UNC79: variants seen among roughly 807,000 people sequenced by gnomAD.
UNC79 encodes unc-79 subunit of NALCN channel complex, also known as protein unc-79 homolog.
UNC79 carries 37 observed loss-of-function variants against 283.1 expected under a neutral mutation model. The observed-to-expected ratio is 0.13, with a 90% CI of 0.10 to 0.17. The LOEUF (loss-of-function observed/expected upper bound fraction) is 0.17. UNC79 is among the 10% of genes least tolerant of loss of function. The probability of loss-of-function intolerance (pLI) is 1.00; values close to 1 mark genes in which losing one functional copy is unlikely to be tolerated. For synonymous variants in UNC79, 1,107 were observed against 1,200.2 expected (o/e 0.92, Z 1.61); for missense variants, 2,272 against 3,211.1 (o/e 0.71, Z 7.07).
At chr14:93,524,260 T>A (rs2060449335) in intron 8 of UNC79, among the ~76,000 whole-genome samples, 1 of 152,208 alleles carries the variant, frequency 6.6e-6, no homozygotes, top group African/African-American at 2.4e-5. Flanking sequence ...CGTAGCCAAG[T>A]GCTATGTAGC....
At chr14:93,489,967 AC>A (rs1335912166) in intron 5 of UNC79, among the ~76,000 whole-genome samples, 2 of 152,018 alleles carry the variant, frequency 1.3e-5, no homozygotes, top group Non-Finnish European at 2.9e-5. Flanking sequence ...AGGTGAATAC[AC>A]CCCCATGCCT....
intron 2 of UNC79, among the ~76,000 whole-genome samples, chr14:93,470,084 G>C (rs111526070): frequency 7.3e-6 from 1 of 137,850 alleles, no homozygotes; most frequent in Admixed American, 7.4e-5. Flanking sequence ...GTTCTTGGGG[G>C]AAAAATAACA....
At chr14:93,643,030 G>A (rs150343933) in intron 33 of UNC79, among the ~76,000 whole-genome samples, 131 of 152,290 alleles carry the variant, frequency 8.6e-4, no homozygotes, top group African/African-American at 2.7e-3. Context: ...TCATCTGAGT[G>A]AGTGGTGGAG....
chr14:93,438,457 T>C (rs552917911), intron 1 of UNC79, among the ~76,000 whole-genome samples: 33 of 152,100 alleles, frequency 2.2e-4, no homozygotes, highest in Non-Finnish European at 4.0e-4. Flanking sequence ...CCTGTCTAGA[T>C]CTCTAAAAAA....
At chr14:93,611,485 G>A (rs1339669123) in intron 26 of UNC79, among the ~76,000 whole-genome samples, 1 of 152,158 alleles carries the variant, frequency 6.6e-6, no homozygotes, top group African/African-American at 2.4e-5. Context: ...TTCCGAATTT[G>A]ACCTTCATGC....
chr14:93,461,947 A>G (rs1202429414), intron 1 of UNC79, among the ~76,000 whole-genome samples: 1 of 145,226 alleles, frequency 6.9e-6, no homozygotes, highest in Non-Finnish European at 1.5e-5. Flanking sequence ...ACAAGGACAT[A>G]GAAAGGTTTT....
intron 22 of UNC79, among the ~76,000 whole-genome samples, chr14:93,590,506 T>C (rs893420693): frequency 1.4e-4 from 21 of 152,196 alleles, no homozygotes; most frequent in Non-Finnish European, 2.9e-4. Flanking sequence ...GAATTCAACA[T>C]GGGAATACGA....
chr14:93,479,162 G>A (rs1373911704), intron 4 of UNC79, among the ~76,000 whole-genome samples: 1 of 144,740 alleles, frequency 6.9e-6, no homozygotes, highest in East Asian at 2.0e-4. Context: ...AAGCATAACA[G>A]ATGAGGCTGT....
intron 1 of UNC79, among the ~76,000 whole-genome samples, chr14:93,413,536 A>G (rs1324609627): frequency 7.3e-6 from 1 of 137,706 alleles, no homozygotes; most frequent in Non-Finnish European, 1.6e-5. Flanking sequence ...CTTTGGGTAT[A>G]TACCCAGTAA....
At chr14:93,643,609 C>A (rs781668766) in exon 34 of UNC79, 2 of 1,613,812 alleles carry the variant, frequency 1.2e-6, no homozygotes, top group African/African-American at 1.3e-5. Flanking sequence ...GACACTTGGG[C>A]TAGCCATCGT....
chr14:93,357,719 A>C (rs1200374481), intron 1 of UNC79, among the ~76,000 whole-genome samples: 1 of 107,446 alleles, frequency 9.3e-6, no homozygotes, highest in Admixed American at 1.0e-4. Flanking sequence ...ATATATATAT[A>C]TGGATATATG....
chr14:93,492,166 A>G (rs1010060451), intron 5 of UNC79, among the ~76,000 whole-genome samples: 2 of 152,218 alleles, frequency 1.3e-5, no homozygotes, highest in African/African-American at 4.8e-5. Context: ...TATGAAGCTT[A>G]TGTCTAATTG....
intron 1 of UNC79, among the ~76,000 whole-genome samples, chr14:93,390,851 G>T (rs2054868906): frequency 6.6e-6 from 1 of 152,126 alleles, no homozygotes; most frequent in Admixed American, 6.5e-5. Context: ...ACTTAATGTT[G>T]TAAAGATATC....
chr14:93,412,215 C>T (rs550608469), intron 1 of UNC79, among the ~76,000 whole-genome samples: 1 of 152,078 alleles, frequency 6.6e-6, no homozygotes, highest in East Asian at 1.9e-4. Flanking sequence ...GGCTTGAAGG[C>T]AGCCTATGTG....
chr14:93,640,382 A>G (rs2068912346), intron 32 of UNC79, among the ~76,000 whole-genome samples: 1 of 152,220 alleles, frequency 6.6e-6, no homozygotes, highest in Non-Finnish European at 1.5e-5. Flanking sequence ...TAATCCTAGC[A>G]TTTTGGGAGG....
At chr14:93,510,551 A>G (rs1045026281) in intron 7 of UNC79, among the ~76,000 whole-genome samples, 2 of 152,194 alleles carry the variant, frequency 1.3e-5, no homozygotes, top group Admixed American at 6.5e-5. Context: ...CTTCTGACAG[A>G]TACCTTAAAT....
At chr14:93,502,504 A>C (rs1183398017) in intron 7 of UNC79, among the ~76,000 whole-genome samples, 1 of 152,250 alleles carries the variant, frequency 6.6e-6, no homozygotes, top group East Asian at 1.9e-4. Context: ...CTGTTTAAAA[A>C]AAATGCAAAA....
Position 93,623,552 on chromosome 14 carries a change from G to A in UNC79, c.5608+711G>A, listed in dbSNP as rs565088073. On this transcript the variant is annotated intron_variant, in intron 30 of 48. Coordinates refer to ENST00000555664, the Ensembl canonical transcript of UNC79. ...TATAACAGTCTTCTGTAATGTTACCGCAACACTGATCAAAACCCATCTTCA... is the reference window on the plus strand; with the variant it reads ...TATAACAGTCTTCTGTAATGTTACCACAACACTGATCAAAACCCATCTTCA... Among the ~76,000 whole-genome samples, 9 of 152,238 alleles carry A rather than the reference G, an allele frequency of 5.9e-5. No individual in the cohort carries two copies. The South Asian group carries it at 1.2e-3, about 21-fold the overall frequency.
chr14:93,687,103 A>T (rs1477031462), intron 43 of UNC79, among the ~76,000 whole-genome samples: 1 of 152,226 alleles, frequency 6.6e-6, no homozygotes, highest in Non-Finnish European at 1.5e-5. Context: ...TCCTCATTTG[A>T]AGAACGAATC....
Sources: gnomAD v4.1 joint callset for allele counts (sites outside exome capture counted in the v4.1 genomes callset) on GRCh38, gnomAD v4.1.1 for gene constraint, MANE v1.5 for transcripts, NCBI Gene and HGNC (gene_info 2026-07-23, HGNC 2026-07-21) for gene names.